Variants in SLCO1B3 observed in about 807,000 individuals in gnomAD.
SLCO1B3 encodes liver-specific organic anion transporter 2.
In SLCO1B3, 72 loss-of-function variants were observed where a neutral mutation model predicts 71.8. The observed-to-expected ratio is 1.00, with a 90% confidence interval of 0.83 to 1.22. The LOEUF (loss-of-function observed/expected upper bound fraction) is 1.22, where lower values mean the gene tolerates loss of function less well. Ranked by LOEUF, SLCO1B3 falls within the 50% of genes most tolerant of loss-of-function variation. The pLI, the probability that SLCO1B3 is intolerant of heterozygous loss-of-function variation, is 0.00. For synonymous variants in SLCO1B3, 298 were observed against 278.4 expected (o/e 1.07, Z -0.70); for missense variants, 911 against 819.7 (o/e 1.11, Z -1.36).
chr12:20,818,969 G>C (rs1438954477), intron 3 of SLCO1B3, among the ~76,000 whole-genome samples: 1 of 152,236 alleles, frequency 6.6e-6, no homozygotes, highest in South Asian at 2.1e-4. Flanking sequence ...GAGCCAGGGA[G>C]CAGAAAGTAT....
intron 8 of SLCO1B3, among the ~76,000 whole-genome samples, chr12:20,867,490 A>G (rs746175362): frequency 2.0e-5 from 3 of 152,290 alleles, no homozygotes; most frequent in East Asian, 1.9e-4. Context: ...GAGACATTCA[A>G]GAGGTAACAG....
At chr12:20,853,240 T>C (rs1162251642) in intron 3 of SLCO1B3, among the ~76,000 whole-genome samples, 1 of 152,044 alleles carries the variant, frequency 6.6e-6, no homozygotes, top group Non-Finnish European at 1.5e-5. Context: ...TCTGTCTTTA[T>C]GTTATTTTGG....
chr12:20,853,620 C>G (rs1456846848), intron 3 of SLCO1B3, among the ~76,000 whole-genome samples: 1 of 151,908 alleles, frequency 6.6e-6, no homozygotes, highest in Non-Finnish European at 1.5e-5. Flanking sequence ...GTCTCTCTCT[C>G]TTTTTTATTT....
At chr12:20,821,862 C>G (rs956471009) in intron 3 of SLCO1B3, among the ~76,000 whole-genome samples, 1 of 152,284 alleles carries the variant, frequency 6.6e-6, no homozygotes, top group South Asian at 2.1e-4. Flanking sequence ...AGTCCGTGAC[C>G]GGCACCGGAG....
intron 3 of SLCO1B3, among the ~76,000 whole-genome samples, chr12:20,842,183 C>G (rs560431630): frequency 1.3e-5 from 2 of 152,186 alleles, no homozygotes; most frequent in South Asian, 4.2e-4. Context: ...CATGAGCCAC[C>G]ATGCCCAACC....
intron 15 of SLCO1B3, among the ~76,000 whole-genome samples, chr12:20,906,129 A>G (rs745753657): frequency 1.2e-4 from 18 of 152,284 alleles, no homozygotes; most frequent in Non-Finnish European, 1.9e-4. Flanking sequence ...ATAACATGGG[A>G]TTTGGGCAGG....
At chr12:20,823,135 T>C (rs938074861) in intron 3 of SLCO1B3, among the ~76,000 whole-genome samples, 3 of 152,252 alleles carry the variant, frequency 2.0e-5, no homozygotes, top group Admixed American at 1.3e-4. Flanking sequence ...GGAAAACTGA[T>C]ATAGGCCATA....
At chr12:20,884,641 A>G (rs770358954) in intron 13 of SLCO1B3, among the ~76,000 whole-genome samples, 2 of 152,128 alleles carry the variant, frequency 1.3e-5, no homozygotes, top group South Asian at 2.1e-4. Context: ...AACGGGAAAC[A>G]TGTAAAGACA....
intron 8 of SLCO1B3, among the ~76,000 whole-genome samples, chr12:20,873,340 ATGT>A (rs928174553): frequency 2.6e-5 from 3 of 115,408 alleles, no homozygotes; most frequent in Non-Finnish European, 4.1e-5. Context: ...AAGAGCTGAG[ATGT>A]TGTTGTTGTT....
intron 5 of SLCO1B3, among the ~76,000 whole-genome samples, chr12:20,860,599 T>TTGTGTGTG (rs34409706): frequency 2.0e-4 from 30 of 146,732 alleles, no homozygotes; most frequent in African/African-American, 7.3e-4. Flanking sequence ...GTCAAGCACT[T>TTGTGTGTG]TGTGTGTGTG....
intron 3 of SLCO1B3, among the ~76,000 whole-genome samples, chr12:20,849,657 T>A (rs1864982778): frequency 6.7e-6 from 1 of 148,208 alleles, no homozygotes; most frequent in African/African-American, 2.5e-5. Context: ...GCCCAAAGAA[T>A]CCACAAGAAA....
intron 3 of SLCO1B3, among the ~76,000 whole-genome samples, chr12:20,826,554 CTTTT>C (rs34227535): frequency 6.4e-4 from 95 of 148,312 alleles, no homozygotes; most frequent in African/African-American, 2.3e-3. Context: ...AACTTGATCA[CTTTT>C]TTTTTTACTC....
intron 2 of SLCO1B3, 144 bp downstream of exon 2, chr12:20,813,782 A>G (rs912511784): frequency 6.6e-6 from 1 of 152,202 alleles, no homozygotes; most frequent in African/African-American, 2.4e-5. Context: ...GTTGATTAAA[A>G]TATTGTGACC....
At chr12:20,856,371 G>C (rs1865136203) in intron 4 of SLCO1B3, among the ~76,000 whole-genome samples, 1 of 151,902 alleles carries the variant, frequency 6.6e-6, no homozygotes, top group African/African-American at 2.4e-5. Context: ...ACGGATGCAA[G>C]TCACATTCAA....
At chr12:20,851,669 T>C (rs538973439) in intron 3 of SLCO1B3, among the ~76,000 whole-genome samples, 42 of 152,348 alleles carry the variant, frequency 2.8e-4, no homozygotes, top group Admixed American at 2.0e-3. Flanking sequence ...AAGTTTGATG[T>C]AGTCACATTT....
intron 1 of SLCO1B3, among the ~76,000 whole-genome samples, chr12:20,812,867 G>A (rs193157056): frequency 0.13 from 19,246 of 152,006 alleles, 1,269 homozygotes; most frequent in Middle Eastern, 0.18. Context: ...CTTGCAAGTC[G>A]TTCAAAAAGA....
intron 3 of SLCO1B3, among the ~76,000 whole-genome samples, chr12:20,838,429 A>C (rs1434166500): frequency 6.6e-6 from 1 of 152,002 alleles, no homozygotes; most frequent in Admixed American, 6.6e-5. Flanking sequence ...TAGTTGGTGC[A>C]TTTAGATAAT....
chr12:20,837,840 C>T (rs1338763639), intron 3 of SLCO1B3, among the ~76,000 whole-genome samples: 1 of 151,916 alleles, frequency 6.6e-6, no homozygotes, highest in Non-Finnish European at 1.5e-5. Context: ...TAATTATATC[C>T]AGTTGATTAA....
At chr12:20,909,164 T>TG (rs1480018030) in intron 15 of SLCO1B3, among the ~76,000 whole-genome samples, 1 of 146,106 alleles carries the variant, frequency 6.8e-6, no homozygotes, top group Non-Finnish European at 1.5e-5. Flanking sequence ...AGCATCTTTT[T>TG]CTTTTTTTTT....
Sources: gnomAD v4.1 joint callset for allele counts (sites outside exome capture counted in the v4.1 genomes callset) on GRCh38, gnomAD v4.1.1 for gene constraint, MANE v1.5 for transcripts, NCBI Gene and HGNC (gene_info 2026-07-23, HGNC 2026-07-21) for gene names.